The following KLHL28 variants were observed in gnomAD, a reference collection of about 807,000 sequenced individuals.
KLHL28 encodes kelch like family member 28, also known as kelch-like protein 28.
KLHL28 carries 22 observed loss-of-function variants against 48.3 expected under a neutral mutation model. The ratio of observed to expected loss-of-function variants is 0.46; its 90% CI spans 0.33 to 0.65. KLHL28 has a LOEUF of 0.65. Ranked by LOEUF, KLHL28 falls within the 30% of genes least tolerant of loss-of-function variation. The pLI is 0.03. For synonymous variants in KLHL28, 243 were observed against 242.4 expected (o/e 1.00, Z -0.02); for missense variants, 527 against 704.3 (o/e 0.75, Z 2.85).
Position 44,934,226 on chromosome 14 carries a change from C to A in KLHL28, c.1232G>T (p.Arg411Ile), listed in dbSNP as rs747721007. 7 of 1,614,128 alleles carry A rather than the reference C, an allele frequency of 4.3e-6. No homozygotes were observed. In the Admixed American group the frequency reaches 1.0e-4, roughly 23 times the overall value. Residue 411 changes from arginine to isoleucine, a missense_variant, in exon 3 of 5, where the codon AGA becomes ATA. By Grantham distance (97) the Arg-to-Ile change is moderately conservative. Coordinates refer to ENST00000396128, the MANE Select transcript of KLHL28 (RefSeq NM_017658.5). ...CATTGGTGCCACAGGTTGCCATTTTCTTATTTTGGGAATGTACTTCTCTAC... is the reference window on the plus strand; with the variant it reads ...CATTGGTGCCACAGGTTGCCATTTTATTATTTTGGGAATGTACTTCTCTAC... ...QSVEKYIPKI[R>I]KWQPVAPMTT...
At chr14:44,941,767 A>C (rs1884105932) in intron 2 of KLHL28, among the ~76,000 whole-genome samples, 1 of 151,954 alleles carries the variant, frequency 6.6e-6, no homozygotes, top group Non-Finnish European at 1.5e-5. Flanking sequence ...AGCTGATCAC[A>C]TTCCTTCCTT....
chr14:44,929,281 T>TAAAAC, intron 4 of KLHL28, 90 bp from the exon 5 acceptor site: 14 of 1,111,842 alleles, frequency 1.3e-5, no homozygotes, highest in Non-Finnish European at 1.6e-5. Flanking sequence ...TTTAATGTTT[T>TAAAAC]ATTAAAATAC....
intron 2 of KLHL28, among the ~76,000 whole-genome samples, chr14:44,942,319 TG>T (rs761535505): frequency 4.6e-5 from 7 of 152,222 alleles, no homozygotes; most frequent in Non-Finnish European, 1.0e-4. Flanking sequence ...TTTTTTAAAA[TG>T]AATGCCCCAT....
chr14:44,932,708 A>C (rs964533043), intron 3 of KLHL28, among the ~76,000 whole-genome samples: 1 of 152,238 alleles, frequency 6.6e-6, no homozygotes, highest in Non-Finnish European at 1.5e-5. Flanking sequence ...AGAAGAGTTG[A>C]TGCACTGCAG....
intron 2 of KLHL28, among the ~76,000 whole-genome samples, chr14:44,940,403 G>C (rs1038681499): frequency 4.6e-5 from 7 of 152,186 alleles, no homozygotes; most frequent in Non-Finnish European, 1.0e-4. Context: ...ATAGTGTTGA[G>C]ATGAGTGATG....
chr14:44,947,212 TGA>T (rs1884376309), intron 1 of KLHL28, among the ~76,000 whole-genome samples: 3 of 152,158 alleles, frequency 2.0e-5, no homozygotes, highest in Non-Finnish European at 4.4e-5. Context: ...GGAGGTCATG[TGA>T]CTAAAGAGGC....
At chr14:44,944,894 A>G in intron 2 of KLHL28, 136 bp downstream of exon 2, 1 of 634,220 alleles carries the variant, frequency 1.6e-6, no homozygotes. Flanking sequence ...GTATTTTAGG[A>G]AGAAGAAAAA....
At chr14:44,950,225 A>G (rs1884518317) in intron 1 of KLHL28, among the ~76,000 whole-genome samples, 1 of 152,072 alleles carries the variant, frequency 6.6e-6, no homozygotes. Context: ...ATGAGTTATT[A>G]CTAGTAAATT....
rs1883714294 is a variant in KLHL28, at chr14:44,934,302, C to T, written c.1156G>A (p.Gly386Arg). 2 of 1,614,106 alleles carry T rather than the reference C, an allele frequency of 1.2e-6. No homozygotes were observed. Among genetic ancestry groups the T allele is most frequent in the African/African-American group, 2.7e-5 (2 of 75,018 alleles). ...TAACCACCTAAGGCATAAAGTTCTC[C>T]TGCAAGTACTACTACTCCAAGAGTA... ...RSTLGVVVLA[G>R]ELYALGGYDG... Residue 386 changes from glycine (G) to arginine (R), a missense_variant, in exon 3 of 5, where the codon GGA becomes AGA. Physicochemically the swap from Gly to Arg is moderately radical, Grantham distance 125. Coordinates refer to ENST00000396128, the MANE Select transcript of KLHL28 (RefSeq NM_017658.5).
chr14:44,934,822 A>G (rs1311367514), intron 2 of KLHL28, among the ~76,000 whole-genome samples: 1 of 152,224 alleles, frequency 6.6e-6, no homozygotes, highest in Non-Finnish European at 1.5e-5. Flanking sequence ...AAAAAGTTGA[A>G]GATACATGTG....
intron 1 of KLHL28, among the ~76,000 whole-genome samples, chr14:44,953,989 T>C (rs993581326): frequency 1.3e-5 from 2 of 152,204 alleles, no homozygotes; most frequent in Non-Finnish European, 2.9e-5. Context: ...TAAAATTTTC[T>C]AGCCCTATAG....
intron 1 of KLHL28, among the ~76,000 whole-genome samples, chr14:44,961,306 G>T (rs1401289638): frequency 6.6e-6 from 1 of 152,102 alleles, no homozygotes. Context: ...CAGACGGAGG[G>T]GGCGGAGGTT....
At chr14:44,944,947 T>A in intron 2 of KLHL28, 83 bp downstream of exon 2, 2 of 1,054,504 alleles carry the variant, frequency 1.9e-6, no homozygotes, top group East Asian at 2.5e-5. Flanking sequence ...AAAATCAAAC[T>A]ATTTTTAAAA....
chr14:44,939,165 C>T (rs1355504585), intron 2 of KLHL28, among the ~76,000 whole-genome samples: 1 of 152,160 alleles, frequency 6.6e-6, no homozygotes, highest in South Asian at 2.1e-4. Flanking sequence ...GGAAGCTACA[C>T]TAGAATGTGG....
chr14:44,934,463 T>G lies in KLHL28; in HGVS notation c.995A>C (p.Lys332Thr). The G allele has an allele frequency of 1.2e-6, 2 of 1,614,090 alleles. No homozygotes were observed. Among genetic ancestry groups the G allele is most frequent in the Non-Finnish European group, 1.7e-6 (2 of 1,179,982 alleles). Residue 332 changes from lysine to threonine, a missense_variant, in exon 3 of 5, where the codon AAA becomes ACA. Lys to Thr is a moderately conservative substitution (Grantham distance 78). Transcript: ENST00000396128. ...YEFGICVLDQKVYVIGGIATN... is the reference protein window; with the variant it reads ...YEFGICVLDQTVYVIGGIATN... Reference sequence around the variant, plus strand: ...TGCAATACCACCTATAACATATACTTTTTGGTCTAAAACGCATATTCCAAA... The same window carrying G: ...TGCAATACCACCTATAACATATACTGTTTGGTCTAAAACGCATATTCCAAA...
rs1282870229 is a variant in KLHL28 at position 44,929,196 on chromosome 14, G to A, written c.1553-5C>T. ...CGATTACAGCAGCACCAACTCCTAGGAAAGGTTGGCAAAAAGAAGATAGAA... is the reference window on the plus strand; with the variant it reads ...CGATTACAGCAGCACCAACTCCTAGAAAAGGTTGGCAAAAAGAAGATAGAA... On this transcript the variant is annotated splice_polypyrimidine_tract_variant and splice_region_variant and intron_variant, in intron 4 of 4. Coordinates refer to ENST00000396128, the MANE Select transcript of KLHL28 (RefSeq NM_017658.5). 1.9e-6 allele frequency: 3 copies of A among 1,589,282 alleles called. No homozygotes were observed. The highest frequency in any genetic ancestry group is 2.3e-5 in the East Asian group (1 of 44,088).
chr14:44,936,688 C>A (rs1335672862), intron 2 of KLHL28, among the ~76,000 whole-genome samples: 1 of 152,146 alleles, frequency 6.6e-6, no homozygotes, highest in Non-Finnish European at 1.5e-5. Flanking sequence ...CAGTTACATT[C>A]TGCTGCTCAG....
intron 1 of KLHL28, among the ~76,000 whole-genome samples, chr14:44,951,577 G>T (rs1195638268): frequency 6.6e-6 from 1 of 152,162 alleles, no homozygotes. Context: ...CATAATAATA[G>T]AAATTATCAA....
intron 4 of KLHL28, among the ~76,000 whole-genome samples, chr14:44,930,782 G>A (rs1883552098): frequency 6.6e-6 from 1 of 152,178 alleles, no homozygotes; most frequent in South Asian, 2.1e-4. Context: ...AAGCATTTCT[G>A]TCAGTATCTT....
Sources: gnomAD v4.1 joint callset for allele counts (sites outside exome capture counted in the v4.1 genomes callset) on GRCh38, gnomAD v4.1.1 for gene constraint, MANE v1.5 for transcripts, NCBI Gene and HGNC (gene_info 2026-07-23, HGNC 2026-07-21) for gene names.